PPFIA2: variants seen among roughly 807,000 people sequenced by gnomAD.
The protein encoded by PPFIA2 is liprin-alpha-2.
Under a neutral mutation model 175.5 loss-of-function variants are expected in PPFIA2, and 46 were observed. That is an observed-to-expected ratio of 0.26 (90% CI 0.21 to 0.34). The LOEUF is 0.34. Among genes scored for constraint, PPFIA2 ranks in the 10% least tolerant of loss-of-function variants. PPFIA2 has a pLI of 1.00. For missense variants in PPFIA2, 1,179 were observed against 1,506.1 expected, an observed-to-expected ratio of 0.78 and a Z score of 3.60; for synonymous variants, 568 against 511.4, an observed-to-expected ratio of 1.11 and a Z score of -1.49.
intron 4 of PPFIA2, among the ~76,000 whole-genome samples, chr12:81,483,913 C>G (rs572022215): frequency 2.5e-4 from 38 of 152,022 alleles, no homozygotes; most frequent in Middle Eastern, 3.4e-3. Flanking sequence ...CCTTCTCCCC[C>G]CTCCCTTTTT....
rs2031420205 is a variant in PPFIA2 at position 81,362,839 on chromosome 12, G to A, written c.1546-55C>T. On this transcript the variant is annotated intron_variant, in intron 14 of 32. Transcript: ENST00000549396. Reference sequence around the variant, plus strand: ...GCCAGTAATATCAGCAAGCAATTATGATAAATGAGTCTTAATGATTTTTTT... The same window carrying A: ...GCCAGTAATATCAGCAAGCAATTATAATAAATGAGTCTTAATGATTTTTTT... 4 of 1,024,526 alleles carry A rather than the reference G, an allele frequency of 3.9e-6. No homozygotes were observed. The South Asian group carries it at 6.1e-5, about 16-fold the overall frequency. 63.5% of individuals were successfully genotyped at this position (1,024,526 alleles called of 1,614,324 possible). A position where few individuals can be genotyped will look rare whatever the true frequency, so the allele number is the denominator to read the frequency against.
At chr12:81,315,967 T>C (rs1055555869) in intron 22 of PPFIA2, among the ~76,000 whole-genome samples, 2 of 151,690 alleles carry the variant, frequency 1.3e-5, no homozygotes, top group Admixed American at 1.3e-4. Flanking sequence ...AAGAAATCTT[T>C]ATTGCTCTAA....
intron 3 of PPFIA2, among the ~76,000 whole-genome samples, chr12:81,686,978 C>T (rs895394531): frequency 7.9e-5 from 12 of 151,914 alleles, no homozygotes; most frequent in African/African-American, 2.9e-4. Flanking sequence ...GCCTGAGGAC[C>T]ACCACCAGCA....
intron 4 of PPFIA2, among the ~76,000 whole-genome samples, chr12:81,504,677 A>T (rs1302323715): frequency 2.6e-5 from 4 of 152,202 alleles, no homozygotes; most frequent in African/African-American, 9.7e-5. Context: ...TCATTCTACT[A>T]TAAGGACACA....
intron 4 of PPFIA2, among the ~76,000 whole-genome samples, chr12:81,619,378 A>T (rs2153478498): frequency 6.6e-6 from 1 of 152,336 alleles, no homozygotes; most frequent in South Asian, 2.1e-4. Flanking sequence ...TAAATGCCAT[A>T]AGATGTAAGT....
At chr12:81,363,234 A>G (rs1252899978) in intron 14 of PPFIA2, among the ~76,000 whole-genome samples, 1 of 151,492 alleles carries the variant, frequency 6.6e-6, no homozygotes, top group Non-Finnish European at 1.5e-5. Flanking sequence ...TCTGGCTTTT[A>G]CTCTGCATGA....
intron 18 of PPFIA2, among the ~76,000 whole-genome samples, chr12:81,346,672 T>C (rs1406492950): frequency 6.6e-6 from 1 of 151,618 alleles, no homozygotes; most frequent in African/African-American, 2.4e-5. Flanking sequence ...AAAATGTGAA[T>C]ATAAAATCTA....
intron 4 of PPFIA2, among the ~76,000 whole-genome samples, chr12:81,497,386 T>C (rs530370547): frequency 2.6e-5 from 4 of 152,282 alleles, no homozygotes; most frequent in African/African-American, 7.2e-5. Flanking sequence ...TTTCTATTAA[T>C]TGTCTCTTCA....
intron 5 of PPFIA2, among the ~76,000 whole-genome samples, chr12:81,449,337 T>C (rs1166051637): frequency 6.6e-6 from 1 of 152,196 alleles, no homozygotes; most frequent in Non-Finnish European, 1.5e-5. Context: ...TCAAATACTT[T>C]TTATTAAAGA....
chr12:81,678,005 G>A (rs1922545), intron 3 of PPFIA2, among the ~76,000 whole-genome samples: 70,117 of 151,446 alleles, frequency 0.46, 17,575 homozygotes, highest in Middle Eastern at 0.6. Context: ...GTTGTAAACC[G>A]TCCCTCATCC....
At chr12:81,341,278 A>T in intron 19 of PPFIA2, 70 bp from the exon 20 acceptor site, 1 of 1,488,724 alleles carries the variant, frequency 6.7e-7, no homozygotes, top group Non-Finnish European at 9.2e-7. Context: ...CAAATGGAGA[A>T]TCATGAGAAC....
At chr12:81,605,699 T>C (rs1331224425) in intron 4 of PPFIA2, among the ~76,000 whole-genome samples, 1 of 149,706 alleles carries the variant, frequency 6.7e-6, no homozygotes, top group East Asian at 2.0e-4. Flanking sequence ...ATCTAATCTG[T>C]CTATAATTTC....
chr12:81,358,634 C>A (rs1434962458), intron 15 of PPFIA2, among the ~76,000 whole-genome samples: 1 of 152,064 alleles, frequency 6.6e-6, no homozygotes, highest in African/African-American at 2.4e-5. Flanking sequence ...ATACATCTAG[C>A]TAAAAATGTC....
At chr12:81,311,666 G>A (rs545558224) in intron 22 of PPFIA2, among the ~76,000 whole-genome samples, 2 of 150,158 alleles carry the variant, frequency 1.3e-5, no homozygotes, top group African/African-American at 4.9e-5. Flanking sequence ...CTGGGAGGCG[G>A]AGCTTGCAGT....
At chr12:81,331,423 A>G (rs1236831127) in intron 21 of PPFIA2, among the ~76,000 whole-genome samples, 1 of 152,218 alleles carries the variant, frequency 6.6e-6, no homozygotes, top group Non-Finnish European at 1.5e-5. Context: ...TATCCTTATC[A>G]TTAAACAATG....
Position 81,631,173 on chromosome 12 carries a change from C to T in PPFIA2, c.303+45618G>A, listed in dbSNP as rs116492336. On this transcript the variant is annotated intron_variant, in intron 4 of 32. Coordinates refer to ENST00000549396, the MANE Select transcript of PPFIA2 (RefSeq NM_003625.5). ...AGTTTCCCAAAGTGCTGGAATTACA[C>T]GCATGAGCCATAGTGCTTGGCTGGA... Among the ~76,000 whole-genome samples, 778 of 152,120 alleles carry T rather than the reference C, an allele frequency of 5.1e-3. 3 individuals are homozygous for T. The highest frequency in any genetic ancestry group is 0.014 in the African/African-American group (585 of 41,520).
At chr12:81,605,293 A>G (rs1669377489) in intron 4 of PPFIA2, among the ~76,000 whole-genome samples, 1 of 151,718 alleles carries the variant, frequency 6.6e-6, no homozygotes, top group Non-Finnish European at 1.5e-5. Flanking sequence ...TTTTTGATAA[A>G]TGGTCAGGGG....
intron 7 of PPFIA2, among the ~76,000 whole-genome samples, chr12:81,418,092 G>C (rs1188430952): frequency 6.6e-6 from 1 of 151,762 alleles, no homozygotes; most frequent in Non-Finnish European, 1.5e-5. Context: ...TTATTATTAT[G>C]GTTCAGCCAA....
At chr12:81,698,973 C>A (rs2076200034) in intron 3 of PPFIA2, among the ~76,000 whole-genome samples, 1 of 151,986 alleles carries the variant, frequency 6.6e-6, no homozygotes, top group African/African-American at 2.4e-5. Context: ...TTTTTACTAT[C>A]TATGAGTAGC....
Sources: allele counts gnomAD v4.1 joint callset (sites outside exome capture counted in the v4.1 genomes callset), GRCh38; gene constraint gnomAD v4.1.1; transcripts MANE v1.5; gene names NCBI Gene and HGNC (gene_info 2026-07-23, HGNC 2026-07-21).